The following NCOA3 variants were observed in gnomAD, a reference collection of about 807,000 sequenced individuals.
NCOA3 encodes the protein CBP-interacting protein.
In NCOA3, 51 loss-of-function variants were observed where a neutral mutation model predicts 158.8. That is an observed-to-expected ratio of 0.32 (90% CI 0.26 to 0.41). The LOEUF (loss-of-function observed/expected upper bound fraction) is 0.41. Among genes scored for constraint, NCOA3 ranks in the 10% least tolerant of loss-of-function variants. The pLI, the probability that NCOA3 is intolerant of heterozygous loss-of-function variation, is 1.00. For missense variants in NCOA3, 1,510 were observed against 1,746.6 expected, an observed-to-expected ratio of 0.86 and a Z score of 2.41; for synonymous variants, 537 against 592.4, an observed-to-expected ratio of 0.91 and a Z score of 1.36.
At chr20:47,605,652 G>A (rs2085935353) in intron 2 of NCOA3, among the ~76,000 whole-genome samples, 1 of 151,960 alleles carries the variant, frequency 6.6e-6, no homozygotes, top group Admixed American at 6.6e-5. Context: ...TTTCCTGACT[G>A]CCTTTGCTTG....
chr20:47,626,506 TC>T (rs565453227), intron 5 of NCOA3, among the ~76,000 whole-genome samples: 1 of 150,870 alleles, frequency 6.6e-6, no homozygotes, highest in Non-Finnish European at 1.5e-5. Context: ...TCTTTTTTTT[TC>T]CCCCCAGTAA....
chr20:47,625,272 T>TATGGGC, intron 4 of NCOA3, 109 bp from the exon 5 acceptor site: 1 of 682,034 alleles, frequency 1.5e-6, no homozygotes, highest in Non-Finnish European at 2.6e-6. Context: ...TGTATGTATG[T>TATGGGC]ATGGGCATGT....
chr20:47,627,425 T>C, intron 6 of NCOA3, 136 bp from the exon 7 acceptor site: 1 of 748,602 alleles, frequency 1.3e-6, no homozygotes, highest in East Asian at 2.7e-5. Context: ...GTTTTGTATA[T>C]TGCCAGCCTG....
intron 1 of NCOA3, among the ~76,000 whole-genome samples, chr20:47,535,505 G>A (rs1370170745): frequency 1.3e-5 from 2 of 151,464 alleles, no homozygotes; most frequent in African/African-American, 4.8e-5. Flanking sequence ...ATGAGTGCAA[G>A]GTTTTTTTGC....
intron 1 of NCOA3, among the ~76,000 whole-genome samples, chr20:47,567,399 C>CTTT (rs533096346): frequency 7.0e-6 from 1 of 143,706 alleles, no homozygotes; most frequent in Non-Finnish European, 1.5e-5. Context: ...TTCTTTCTTT[C>CTTT]TTTTTTTTTT....
intron 1 of NCOA3, among the ~76,000 whole-genome samples, chr20:47,516,467 G>C (rs1025562833): frequency 1.3e-5 from 2 of 152,140 alleles, no homozygotes; most frequent in African/African-American, 4.8e-5. Flanking sequence ...GACAGAGCAA[G>C]GGTCTAGACT....
rs369516174 is a variant in NCOA3, at chr20:47,570,939, T to TATATAC, written c.-98-12243_-98-12242insTATACA. 3.8e-3 allele frequency among the ~76,000 whole-genome samples: 432 copies of TATATAC among 114,930 alleles called. 4 individuals are homozygous for TATATAC. The highest frequency in any genetic ancestry group is 0.014 in the African/African-American group (404 of 28,496). The allele number at this position is 114,930 out of a possible 152,430, so 75.4% of individuals were successfully genotyped here. ...CACCGTTAATGAGCAGTAATATATA[T>TATATAC]ACACACACACACACACACACACACA... On this transcript the variant is annotated intron_variant, in intron 1 of 22. Transcript: ENST00000371998.
intron 1 of NCOA3, among the ~76,000 whole-genome samples, chr20:47,537,229 C>T (rs773953051): frequency 3.3e-4 from 50 of 152,226 alleles, no homozygotes; most frequent in Middle Eastern, 3.4e-3. Flanking sequence ...GGGACTAAAT[C>T]TTTTAGACAA....
intron 1 of NCOA3, among the ~76,000 whole-genome samples, chr20:47,531,921 T>C (rs2084553440): frequency 1.3e-5 from 2 of 152,182 alleles, no homozygotes; most frequent in Admixed American, 6.6e-5. Context: ...GTTTAGTCCT[T>C]GACCCCTCAA....
intron 2 of NCOA3, among the ~76,000 whole-genome samples, chr20:47,585,926 G>GTT (rs61328257): frequency 1.4e-4 from 19 of 135,582 alleles, no homozygotes; most frequent in African/African-American, 1.9e-4. Flanking sequence ...ATCTCCACAG[G>GTT]TTTTTTTTTT....
chr20:47,561,119 G>A (rs1331030628), intron 1 of NCOA3, among the ~76,000 whole-genome samples: 3 of 151,408 alleles, frequency 2.0e-5, no homozygotes, highest in Non-Finnish European at 4.4e-5. Flanking sequence ...TATCACAGAT[G>A]CATGCCACCA....
intron 1 of NCOA3, among the ~76,000 whole-genome samples, chr20:47,542,520 T>A (rs763249510): frequency 6.6e-6 from 1 of 152,186 alleles, no homozygotes; most frequent in Non-Finnish European, 1.5e-5. Flanking sequence ...TGTAACAAAT[T>A]ATCTCCAAAC....
chr20:47,636,238 C>G lies in NCOA3; in HGVS notation c.1852C>G (p.His618Asp). The G allele has an allele frequency of 6.2e-7, 1 of 1,614,136 alleles. No homozygotes were observed. The highest frequency in any genetic ancestry group is 8.5e-7 in the Non-Finnish European group (1 of 1,180,016). Residue 618 changes from histidine (H) to aspartate (D), a missense_variant, in exon 12 of 23, where the codon CAT becomes GAT. Transcript: ENST00000371998. ...AAGGGGTCCTTTGGAAAGCAAAGGT[C>G]ATAAAAAATTACTGCAGTTACTTAC... ...NQRGPLESKGHKKLLQLLTCS... is the reference protein window; with the variant it reads ...NQRGPLESKGDKKLLQLLTCS...
chr20:47,519,328 A>G (rs556311851), intron 1 of NCOA3, among the ~76,000 whole-genome samples: 2 of 151,808 alleles, frequency 1.3e-5, no homozygotes, highest in South Asian at 4.2e-4. Context: ...GTTACTCAGG[A>G]GGCTGAGGCC....
chr20:47,518,873 C>A (rs549013703), intron 1 of NCOA3, among the ~76,000 whole-genome samples: 1 of 152,136 alleles, frequency 6.6e-6, no homozygotes, highest in East Asian at 1.9e-4. Context: ...CGGTGGCTCA[C>A]GCCTGTAACT....
intron 1 of NCOA3, among the ~76,000 whole-genome samples, chr20:47,530,461 CTTT>C (rs11483053): frequency 7.7e-6 from 1 of 129,400 alleles, no homozygotes. Context: ...AATGATTTAA[CTTT>C]TTTTTTTTTT....
intron 1 of NCOA3, among the ~76,000 whole-genome samples, chr20:47,578,917 A>G (rs556609539): frequency 2.0e-5 from 3 of 152,356 alleles, no homozygotes; most frequent in African/African-American, 4.8e-5. Context: ...CAACAGTAAA[A>G]GAAAAACATG....
chr20:47,574,393 A>G (rs2085341009), intron 1 of NCOA3, among the ~76,000 whole-genome samples: 1 of 152,136 alleles, frequency 6.6e-6, no homozygotes, highest in South Asian at 2.1e-4. Context: ...CAACAGAGTA[A>G]TTACTATGGT....
At chr20:47,541,923 T>C (rs56241571) in intron 1 of NCOA3, among the ~76,000 whole-genome samples, 3,650 of 152,024 alleles carry the variant, frequency 0.024, 180 homozygotes, top group African/African-American at 0.084. Flanking sequence ...ATTTGGTTTT[T>C]ATGCGACCTA....
Sources: allele counts gnomAD v4.1 joint callset (sites outside exome capture counted in the v4.1 genomes callset), GRCh38; gene constraint gnomAD v4.1.1; transcripts MANE v1.5; gene names NCBI Gene and HGNC (gene_info 2026-07-23, HGNC 2026-07-21).